The following SH3BP5 variants were observed in gnomAD, a reference collection of about 807,000 sequenced individuals.
SH3BP5 encodes SH3 domain binding protein 5, also known as SH3 domain-binding protein 5.
In SH3BP5, 22 loss-of-function variants were observed where a neutral mutation model predicts 43.3. That is an observed-to-expected ratio of 0.51 (90% confidence interval 0.36 to 0.73). The LOEUF (loss-of-function observed/expected upper bound fraction) is 0.73. Among genes scored for constraint, SH3BP5 ranks in the 30% least tolerant of loss-of-function variants. The pLI is 0.00. For synonymous variants in SH3BP5, 255 were observed against 225.8 expected (o/e 1.13, Z -1.16); for missense variants, 529 against 586.9 (o/e 0.90, Z 1.02).
chr3:15,284,291 C>T lies in SH3BP5; in HGVS notation c.331-14414G>A, dbSNP rs529598986. On this transcript the variant is annotated intron_variant, in intron 3 of 8. Transcript: ENST00000383791. Reference sequence around the variant, plus strand: ...CTCTCTCTACAGGGCATCCAAAGGCCTCACAATCCCTGTTCAACCCCTCCT... The same window carrying T: ...CTCTCTCTACAGGGCATCCAAAGGCTTCACAATCCCTGTTCAACCCCTCCT... Among the ~76,000 whole-genome samples the T allele has an allele frequency of 1.4e-4, 21 of 152,296 alleles. No homozygotes were observed. In the Middle Eastern group the frequency reaches 0.014, roughly 99 times the overall value.
intron 6 of SH3BP5, chr3:15,259,399 T>C (rs1696347461): frequency 2.0e-6 from 1 of 511,362 alleles, no homozygotes; most frequent in Non-Finnish European, 3.5e-6. Context: ...TGCATCAAAA[T>C]CCCCTTGGGT....
rs1421083418 is a variant in SH3BP5, at chr3:15,304,241, G to C, written c.202-10C>G. ...ACTTCTGACGAGCATCCTGCAGCCA[G>C]GGGAAACCGAGGAAACACAGTTGAG... On this transcript the variant is annotated splice_polypyrimidine_tract_variant and intron_variant, in intron 2 of 8. Transcript: ENST00000383791. 1 of 1,613,888 alleles carries C rather than the reference G, an allele frequency of 6.2e-7. No individual in the cohort carries two copies. The highest frequency in any genetic ancestry group is 8.5e-7 in the Non-Finnish European group (1 of 1,179,924).
chr3:15,326,333 C>T (rs57223949), intron 2 of SH3BP5, among the ~76,000 whole-genome samples: 16,284 of 152,138 alleles, frequency 0.11, 1,012 homozygotes, highest in East Asian at 0.21. Context: ...TAAATGTGGG[C>T]CTCAGGAGCA....
At chr3:15,267,342 T>A (rs1166760335) in intron 4 of SH3BP5, among the ~76,000 whole-genome samples, 1 of 152,256 alleles carries the variant, frequency 6.6e-6, no homozygotes, top group African/African-American at 2.4e-5. Flanking sequence ...GCTGAAATTC[T>A]GAGTGGCACA....
chr3:15,304,600 AG>A (rs796993213), intron 2 of SH3BP5, among the ~76,000 whole-genome samples: 3 of 152,266 alleles, frequency 2.0e-5, no homozygotes, highest in African/African-American at 4.8e-5. Context: ...CCATCACTTG[AG>A]GTCAGGAGTT....
intron 3 of SH3BP5, 133 bp from the exon 4 acceptor site, chr3:15,270,010 C>G (rs1048307660): frequency 4.4e-5 from 32 of 731,762 alleles, no homozygotes; most frequent in South Asian, 1.4e-4. Flanking sequence ...CTGGCACCCA[C>G]AGGTCCTCAT....
At chr3:15,286,558 TTG>T (rs1220465613) in intron 3 of SH3BP5, among the ~76,000 whole-genome samples, 1 of 152,214 alleles carries the variant, frequency 6.6e-6, no homozygotes, top group Non-Finnish European at 1.5e-5. Context: ...TTTATTTCTT[TTG>T]TTTTTGAGAC....
chr3:15,256,047 T>C lies in SH3BP5; in HGVS notation c.*39A>G, dbSNP rs767834871. On this transcript the variant is annotated 3_prime_UTR_variant, in exon 9 of 9. Coordinates refer to ENST00000383791, the MANE Select transcript of SH3BP5 (RefSeq NM_004844.5). Reference sequence around the variant, plus strand: ...GCACAATGTTCTCCAGTTCCATGTATAAATGTTGATATGCACATCGGCCAG... The same window carrying C: ...GCACAATGTTCTCCAGTTCCATGTACAAATGTTGATATGCACATCGGCCAG... 18 of 1,476,500 alleles carry C rather than the reference T, an allele frequency of 1.2e-5. No homozygotes were observed. Among genetic ancestry groups the C allele is most frequent in the Non-Finnish European group, 8.5e-6 (9 of 1,062,868 alleles). The allele number at this position is 1,476,500 out of a possible 1,614,324, so 91.5% of individuals were successfully genotyped here. A position where few individuals can be genotyped will look rare whatever the true frequency, so the allele number is the denominator to read the frequency against.
intron 3 of SH3BP5, among the ~76,000 whole-genome samples, chr3:15,272,758 A>G (rs944100777): frequency 2.6e-5 from 4 of 152,304 alleles, no homozygotes; most frequent in Non-Finnish European, 5.9e-5. Context: ...TTTAAAAAGG[A>G]CTCCAGTGAA....
chr3:15,290,824 C>G (rs975807484), intron 3 of SH3BP5, among the ~76,000 whole-genome samples: 2 of 152,178 alleles, frequency 1.3e-5, no homozygotes, highest in Non-Finnish European at 2.9e-5. Context: ...AAACTCCCCC[C>G]ATGCCCATGA....
chr3:15,322,607 G>A (rs1161192877), intron 2 of SH3BP5, among the ~76,000 whole-genome samples: 1 of 152,146 alleles, frequency 6.6e-6, no homozygotes, highest in Non-Finnish European at 1.5e-5. Context: ...GGAAGCCGAG[G>A]CAGGAGGACT....
intron 3 of SH3BP5, among the ~76,000 whole-genome samples, chr3:15,293,250 C>T: frequency 6.6e-6 from 1 of 152,212 alleles, no homozygotes; most frequent in East Asian, 1.9e-4. Flanking sequence ...ACGCAGTTCC[C>T]AGGAACTGGC....
intron 5 of SH3BP5, among the ~76,000 whole-genome samples, chr3:15,261,618 AAG>A (rs1447412427): frequency 2.0e-5 from 3 of 152,180 alleles, no homozygotes; most frequent in South Asian, 2.1e-4. Flanking sequence ...GCTTGTCCCC[AAG>A]AGAGGGTACA....
chr3:15,297,805 GC>G (rs978104847), intron 3 of SH3BP5, among the ~76,000 whole-genome samples: 2 of 151,940 alleles, frequency 1.3e-5, no homozygotes, highest in Admixed American at 1.3e-4. Flanking sequence ...AGGTCAGCCA[GC>G]CCCCAGCTAA....
chr3:15,314,539 C>T (rs1422628629), intron 2 of SH3BP5, among the ~76,000 whole-genome samples: 4 of 152,018 alleles, frequency 2.6e-5, no homozygotes, highest in African/African-American at 4.8e-5. Context: ...CCAGAAAGGC[C>T]AAGGCAGGAG....
chr3:15,332,472 C>CAGGCT lies in SH3BP5; in HGVS notation c.-69_-65dup. 7.0e-7 allele frequency: 1 copy of CAGGCT among 1,436,262 alleles called. No individual in the cohort carries two copies. Among genetic ancestry groups the CAGGCT allele is most frequent in the Non-Finnish European group, 9.1e-7 (1 of 1,101,510 alleles). 89.0% of individuals were successfully genotyped at this position (1,436,262 alleles called of 1,614,324 possible). A position where few individuals can be genotyped will look rare whatever the true frequency, so the allele number is the denominator to read the frequency against. ...AGCGCCCCGGGGGTCGCGGCTGCCA[C>CAGGCT]AGGCTGGGCTGGAGCCGCCTCGCCA... On this transcript the variant is annotated 5_prime_UTR_variant, in exon 1 of 9. Coordinates refer to ENST00000383791, the MANE Select transcript of SH3BP5 (RefSeq NM_004844.5).
chr3:15,304,706 T>C (rs565026801), intron 2 of SH3BP5, among the ~76,000 whole-genome samples: 31 of 150,540 alleles, frequency 2.1e-4, no homozygotes, highest in Non-Finnish European at 3.8e-4. Flanking sequence ...TCCCAGCCAC[T>C]CAGGAGGCTG....
chr3:15,332,698 C>T (rs1575360904), upstream of SH3BP5: 4 of 1,106,418 alleles, frequency 3.6e-6, no homozygotes, highest in African/African-American at 3.3e-5. Context: ...TCCAGGTCTC[C>T]GTCGCAAAAC....
upstream of SH3BP5, among the ~76,000 whole-genome samples, chr3:15,334,279 T>C (rs1226323865): frequency 6.6e-6 from 1 of 152,172 alleles, no homozygotes; most frequent in Non-Finnish European, 1.5e-5. Context: ...CTAATAGTCT[T>C]TCTAAAGATA....
Sources: gnomAD v4.1 joint callset for allele counts (sites outside exome capture counted in the v4.1 genomes callset) on GRCh38, gnomAD v4.1.1 for gene constraint, MANE v1.5 for transcripts, NCBI Gene and HGNC (gene_info 2026-07-23, HGNC 2026-07-21) for gene names.